The following GALNT17 variants were observed in gnomAD, a reference collection of about 807,000 sequenced individuals.
GALNT17 encodes UDP-GalNAc:polypeptide N-acetylgalactosaminyltransferase-like 3.
GALNT17 carries 29 observed loss-of-function variants against 63.7 expected under a neutral mutation model. The observed-to-expected ratio is 0.46, with a 90% CI of 0.34 to 0.62. GALNT17 has a LOEUF of 0.62. Among genes scored for constraint, GALNT17 ranks in the 20% least tolerant of loss-of-function variants. The pLI, the probability that GALNT17 is intolerant of heterozygous loss-of-function variation, is 0.01. For missense variants in GALNT17, 603 were observed against 799.6 expected (o/e 0.75, Z 2.97); for synonymous variants, 305 against 318.3 (o/e 0.96, Z 0.45).
chr7:71,479,307 A>C (rs555213324), intron 5 of GALNT17, among the ~76,000 whole-genome samples: 2 of 152,234 alleles, frequency 1.3e-5, no homozygotes, highest in East Asian at 3.9e-4. Flanking sequence ...AAGAAAAGGC[A>C]AAATGTTATT....
At chr7:71,528,090 A>T (rs1235371535) in intron 5 of GALNT17, among the ~76,000 whole-genome samples, 1 of 152,196 alleles carries the variant, frequency 6.6e-6, no homozygotes, top group Non-Finnish European at 1.5e-5. Context: ...TTTGCAATCT[A>T]TGGTACAGAA....
At chr7:71,682,520 A>G (rs1451616622) in intron 9 of GALNT17, among the ~76,000 whole-genome samples, 1 of 152,136 alleles carries the variant, frequency 6.6e-6, no homozygotes, top group Non-Finnish European at 1.5e-5. Context: ...TAATTTCAGG[A>G]CAACATGGTC....
At chr7:71,342,482 C>A (rs1175308038) in intron 2 of GALNT17, among the ~76,000 whole-genome samples, 1 of 152,118 alleles carries the variant, frequency 6.6e-6, no homozygotes, top group Non-Finnish European at 1.5e-5. Flanking sequence ...TGCATCCCAA[C>A]CATATTACTG....
chr7:71,369,427 A>T (rs9638295), intron 2 of GALNT17, among the ~76,000 whole-genome samples: 20,562 of 152,060 alleles, frequency 0.14, 1,701 homozygotes, highest in East Asian at 0.39. Flanking sequence ...GTGAGGAGTA[A>T]AGTTAATATG....
intron 6 of GALNT17, among the ~76,000 whole-genome samples, chr7:71,571,790 G>A (rs1044851811): frequency 1.4e-4 from 21 of 152,120 alleles, no homozygotes; most frequent in African/African-American, 3.6e-4. Context: ...ACGGTGGTGC[G>A]ATCACTTAAG....
Position 71,352,928 on chromosome 7 carries a change from T to C in GALNT17, c.422+17195T>C, listed in dbSNP as rs568231141. Among the ~76,000 whole-genome samples, 141 of 152,252 alleles carry C rather than the reference T, an allele frequency of 9.3e-4. 1 individual carries two copies. Among genetic ancestry groups the C allele is most frequent in the African/African-American group, 2.7e-3 (113 of 41,558 alleles). On this transcript the variant is annotated intron_variant, in intron 2 of 10. Transcript: ENST00000333538. ...AGATGCCAGAATCGTTCAGCAGATT[T>C]GGCAACATGAAGTTCATTGATGACC...
chr7:71,571,511 T>C (rs1208183090), intron 6 of GALNT17, 109 bp downstream of exon 6: 3 of 872,222 alleles, frequency 3.4e-6, no homozygotes, highest in Non-Finnish European at 5.7e-6. Flanking sequence ...GAATGACAGA[T>C]TCATTTACTC....
chr7:71,602,764 G>A (rs1347339114), intron 6 of GALNT17, among the ~76,000 whole-genome samples: 1 of 152,102 alleles, frequency 6.6e-6, no homozygotes, highest in Non-Finnish European at 1.5e-5. Flanking sequence ...GTTGTCAGGT[G>A]ACCTGGGCTT....
chr7:71,324,554 A>G (rs1791671278), intron 1 of GALNT17, among the ~76,000 whole-genome samples: 1 of 152,154 alleles, frequency 6.6e-6, no homozygotes, highest in Non-Finnish European at 1.5e-5. Flanking sequence ...GCTACTTGGG[A>G]GGTTGAGGCA....
chr7:71,385,146 C>G (rs1218460433), intron 2 of GALNT17, among the ~76,000 whole-genome samples: 1 of 152,086 alleles, frequency 6.6e-6, no homozygotes, highest in Admixed American at 6.6e-5. Context: ...GGCAAGCAGC[C>G]AGGAAGGCCT....
chr7:71,312,240 T>C (rs746176915), intron 1 of GALNT17, among the ~76,000 whole-genome samples: 3 of 152,244 alleles, frequency 2.0e-5, no homozygotes, highest in Non-Finnish European at 2.9e-5. Context: ...TACTGTGCAC[T>C]GATGCCTCAA....
At chr7:71,413,242 C>T (rs1351316324) in intron 3 of GALNT17, among the ~76,000 whole-genome samples, 2 of 152,140 alleles carry the variant, frequency 1.3e-5, no homozygotes, top group African/African-American at 4.8e-5. Flanking sequence ...GTTAATGCTC[C>T]CAGCCAAAAC....
chr7:71,200,479 TC>T (rs1375410285), intron 1 of GALNT17, among the ~76,000 whole-genome samples: 1 of 152,190 alleles, frequency 6.6e-6, no homozygotes, highest in African/African-American at 2.4e-5. Flanking sequence ...TTTTAATGGT[TC>T]CTAGAGGCTG....
intron 1 of GALNT17, among the ~76,000 whole-genome samples, chr7:71,271,088 A>G (rs1265674508): frequency 1.3e-5 from 2 of 152,242 alleles, no homozygotes; most frequent in Non-Finnish European, 2.9e-5. Context: ...TTTCATTCCT[A>G]AAGCAAGCTG....
chr7:71,501,775 T>C (rs1197481666), intron 5 of GALNT17, among the ~76,000 whole-genome samples: 1 of 152,098 alleles, frequency 6.6e-6, no homozygotes, highest in Non-Finnish European at 1.5e-5. Flanking sequence ...GTTTTGCTAC[T>C]CCCCCAAACA....
intron 3 of GALNT17, among the ~76,000 whole-genome samples, 167 bp downstream of exon 3, chr7:71,388,568 C>G (rs1464435156): frequency 6.6e-6 from 1 of 151,986 alleles, no homozygotes; most frequent in Non-Finnish European, 1.5e-5. Flanking sequence ...GCTGTGTCGC[C>G]CAGGCTGGAG....
intron 1 of GALNT17, among the ~76,000 whole-genome samples, chr7:71,206,601 C>T (rs1789276033): frequency 6.6e-6 from 1 of 152,168 alleles, no homozygotes; most frequent in African/African-American, 2.4e-5. Context: ...GATTTGCAGG[C>T]TTTTCCCAAT....
At chr7:71,501,389 C>G (rs544322187) in intron 5 of GALNT17, among the ~76,000 whole-genome samples, 1 of 151,996 alleles carries the variant, frequency 6.6e-6, no homozygotes, top group Non-Finnish European at 1.5e-5. Context: ...CTCAGCCTCC[C>G]GAGTAGCTGG....
intron 5 of GALNT17, among the ~76,000 whole-genome samples, chr7:71,524,642 T>C (rs1788594465): frequency 6.6e-6 from 1 of 152,200 alleles, no homozygotes; most frequent in South Asian, 2.1e-4. Context: ...AGTATAACTT[T>C]TCTGTGTTAG....
Sources: gnomAD v4.1 joint callset for allele counts (sites outside exome capture counted in the v4.1 genomes callset) on GRCh38, gnomAD v4.1.1 for gene constraint, MANE v1.5 for transcripts, NCBI Gene and HGNC (gene_info 2026-07-23, HGNC 2026-07-21) for gene names.